PLCL1: variants seen among roughly 807,000 people sequenced by gnomAD.
PLCL1 encodes the protein inactive phospholipase C-like protein 1.
Under a neutral mutation model 84.4 loss-of-function variants are expected in PLCL1, and 41 were observed. The ratio of observed to expected loss-of-function variants is 0.49; its 90% CI spans 0.38 to 0.63. The LOEUF (loss-of-function observed/expected upper bound fraction) is 0.63. PLCL1 is among the 30% of genes least tolerant of loss of function. The pLI, the probability that PLCL1 is intolerant of heterozygous loss-of-function variation, is 0.00. For synonymous variants in PLCL1, 490 were observed against 488.3 expected (o/e 1.00, Z -0.05); for missense variants, 1,206 against 1,367.8 (o/e 0.88, Z 1.87).
chr2:197,952,541 G>A (rs1470532747), intron 1 of PLCL1, among the ~76,000 whole-genome samples: 1 of 152,112 alleles, frequency 6.6e-6, no homozygotes, highest in Non-Finnish European at 1.5e-5. Flanking sequence ...TCTTTTATTG[G>A]AGAGCCTGTC....
intron 1 of PLCL1, among the ~76,000 whole-genome samples, chr2:198,010,121 T>C (rs1461847140): frequency 6.6e-6 from 1 of 151,992 alleles, no homozygotes; most frequent in Admixed American, 6.6e-5. Context: ...GCAGAGACAA[T>C]TTAGGTTCTT....
At chr2:198,090,801 GA>G (rs1245890182) in intron 3 of PLCL1, among the ~76,000 whole-genome samples, 2 of 152,144 alleles carry the variant, frequency 1.3e-5, no homozygotes, top group African/African-American at 4.8e-5. Context: ...TTTAAGCTAA[GA>G]AAAAGAAATC....
chr2:197,808,515 C>CA (rs1186446101), intron 1 of PLCL1, among the ~76,000 whole-genome samples: 2 of 151,626 alleles, frequency 1.3e-5, no homozygotes, highest in African/African-American at 4.8e-5. Context: ...AATGAGTTTC[C>CA]AAAAAAAGTC....
intron 1 of PLCL1, among the ~76,000 whole-genome samples, chr2:197,980,891 T>G (rs1690091476): frequency 6.6e-6 from 1 of 152,198 alleles, no homozygotes; most frequent in Non-Finnish European, 1.5e-5. Context: ...GAAGGCTGTT[T>G]GCAGTTATAA....
intron 1 of PLCL1, among the ~76,000 whole-genome samples, chr2:197,900,092 C>G (rs1688235466): frequency 1.3e-5 from 2 of 152,214 alleles, no homozygotes; most frequent in South Asian, 4.1e-4. Context: ...CTTAACACCT[C>G]CTGACATACA....
At chr2:197,943,627 CTT>C (rs5837573) in intron 1 of PLCL1, among the ~76,000 whole-genome samples, 1 of 119,190 alleles carries the variant, frequency 8.4e-6, no homozygotes, top group African/African-American at 3.2e-5. Flanking sequence ...TTGGTTACAT[CTT>C]TTTTTTTTTT....
At chr2:197,992,359 C>T (rs893224827) in intron 1 of PLCL1, among the ~76,000 whole-genome samples, 7 of 151,932 alleles carry the variant, frequency 4.6e-5, no homozygotes, top group East Asian at 1.9e-4. Flanking sequence ...TGACCTCATG[C>T]GCTCAGGTGA....
At chr2:197,884,447 C>T (rs978092071) in intron 1 of PLCL1, among the ~76,000 whole-genome samples, 5 of 152,126 alleles carry the variant, frequency 3.3e-5, no homozygotes, top group South Asian at 2.1e-4. Context: ...TATAACCTCA[C>T]GTAGCAACAG....
At chr2:197,840,253 A>G (rs1031571622) in intron 1 of PLCL1, among the ~76,000 whole-genome samples, 3 of 152,116 alleles carry the variant, frequency 2.0e-5, no homozygotes, top group Non-Finnish European at 2.9e-5. Context: ...CCTTCTATGG[A>G]AGCTCTTTTG....
intron 1 of PLCL1, among the ~76,000 whole-genome samples, chr2:198,076,111 A>C (rs1156398370): frequency 6.6e-6 from 1 of 152,184 alleles, no homozygotes; most frequent in Non-Finnish European, 1.5e-5. Flanking sequence ...GCACAGTGGA[A>C]GCTTCTTCTG....
intron 1 of PLCL1, among the ~76,000 whole-genome samples, chr2:197,862,166 G>C (rs1258364179): frequency 1.3e-5 from 2 of 152,134 alleles, no homozygotes; most frequent in African/African-American, 4.8e-5. Flanking sequence ...TTAAGAACCT[G>C]TTAAATGATT....
At chr2:198,043,971 T>C (rs1241227114) in intron 1 of PLCL1, among the ~76,000 whole-genome samples, 2 of 151,882 alleles carry the variant, frequency 1.3e-5, no homozygotes, top group African/African-American at 4.8e-5. Flanking sequence ...TCCACTTAAG[T>C]GTTGGTCCTT....
At chr2:198,017,578 T>C (rs1164173936) in intron 1 of PLCL1, among the ~76,000 whole-genome samples, 1 of 152,240 alleles carries the variant, frequency 6.6e-6, no homozygotes, top group Non-Finnish European at 1.5e-5. Flanking sequence ...TTGTTGACAT[T>C]ATTCTAACAT....
chr2:197,938,997 T>C (rs902364531), intron 1 of PLCL1, among the ~76,000 whole-genome samples: 1 of 152,194 alleles, frequency 6.6e-6, no homozygotes, highest in Non-Finnish European at 1.5e-5. Context: ...TTGTGAATTA[T>C]AGGGAACAGA....
intron 1 of PLCL1, among the ~76,000 whole-genome samples, chr2:198,064,755 C>A (rs1321064992): frequency 6.6e-6 from 1 of 152,060 alleles, no homozygotes; most frequent in East Asian, 1.9e-4. Flanking sequence ...AACTGTGATT[C>A]ATTTATGACT....
intron 3 of PLCL1, among the ~76,000 whole-genome samples, chr2:198,092,102 T>A (rs994165067): frequency 1.3e-5 from 2 of 151,560 alleles, no homozygotes; most frequent in African/African-American, 4.8e-5. Flanking sequence ...TTAGTTTTAC[T>A]GCCTCTCCCA....
intron 1 of PLCL1, among the ~76,000 whole-genome samples, chr2:197,834,201 C>T (rs1009841260): frequency 4.0e-5 from 6 of 151,728 alleles, no homozygotes; most frequent in African/African-American, 1.5e-4. Context: ...ATACCTAAAA[C>T]CATAAAAAAC....
In PLCL1 at chr2:197,829,782, T is replaced by A. The variant is rs549815539; in HGVS notation, c.240+24443T>A. On this transcript the variant is annotated intron_variant, in intron 1 of 5. Transcript: ENST00000428675. ...CTTTAGCTTGGCTGGCCTTGGTCTC[T>A]TCTGCTGTAGCCATCAGTCATCCAG... 2.0e-5 allele frequency among the ~76,000 whole-genome samples: 3 copies of A among 152,356 alleles called. No individual in the cohort carries two copies. In the East Asian group the frequency reaches 5.8e-4, roughly 29 times the overall value.
In PLCL1 at chr2:197,823,521, G is replaced by C. The variant is rs552049813; in HGVS notation, c.240+18182G>C. ...ATCTGAGGCTAGTTTTGAAAGAATTGTCAGGACTTCTCAGATATGAAGAAA... is the reference window on the plus strand; with the variant it reads ...ATCTGAGGCTAGTTTTGAAAGAATTCTCAGGACTTCTCAGATATGAAGAAA... On this transcript the variant is annotated intron_variant, in intron 1 of 5. Coordinates refer to ENST00000428675, the MANE Select transcript of PLCL1 (RefSeq NM_006226.4). Among the ~76,000 whole-genome samples, 14 of 152,242 alleles carry C rather than the reference G, an allele frequency of 9.2e-5. No individual in the cohort carries two copies. The South Asian group carries it at 2.9e-3, about 32-fold the overall frequency.
Sources: gnomAD v4.1 joint callset for allele counts (sites outside exome capture counted in the v4.1 genomes callset) on GRCh38, gnomAD v4.1.1 for gene constraint, MANE v1.5 for transcripts, NCBI Gene and HGNC (gene_info 2026-07-23, HGNC 2026-07-21) for gene names.